DCLK1: variants seen among roughly 807,000 people sequenced by gnomAD.
The protein encoded by DCLK1 is doublecortin like kinase 1.
A neutral mutation model predicts 86.2 loss-of-function variants in DCLK1; 16 were observed. The observed-to-expected ratio is 0.19, with a 90% CI of 0.13 to 0.28. The LOEUF (loss-of-function observed/expected upper bound fraction) is 0.28. DCLK1 is among the 10% of genes least tolerant of loss of function. The pLI, the probability that DCLK1 is intolerant of heterozygous loss-of-function variation, is 1.00. For missense variants in DCLK1, 590 were observed against 940.2 expected, an observed-to-expected ratio of 0.63 and a Z score of 4.87; for synonymous variants, 369 against 370.5, an observed-to-expected ratio of 1.00 and a Z score of 0.05.
At chr13:35,854,656 C>A in intron 5 of DCLK1, 63 bp from the exon 6 acceptor site, 2 of 1,397,036 alleles carry the variant, frequency 1.4e-6, no homozygotes, top group South Asian at 1.4e-5. Context: ...CATGACAAAT[C>A]ATCTTCTGCA....
chr13:36,041,172 T>C (rs4941828), intron 3 of DCLK1, among the ~76,000 whole-genome samples: 125,096 of 152,066 alleles, frequency 0.82, 51,867 homozygotes, highest in African/African-American at 0.91. Context: ...ATATACGTAC[T>C]GAAAAATATT....
chr13:35,987,972 C>T (rs1880024365), intron 3 of DCLK1, among the ~76,000 whole-genome samples: 1 of 152,216 alleles, frequency 6.6e-6, no homozygotes, highest in Non-Finnish European at 1.5e-5. Context: ...TCCCCAGTCT[C>T]AGGCCAGCCT....
At chr13:36,058,383 G>A (rs1883413597) in intron 3 of DCLK1, among the ~76,000 whole-genome samples, 1 of 152,210 alleles carries the variant, frequency 6.6e-6, no homozygotes, top group African/African-American at 2.4e-5. Context: ...AGTAGGGAAT[G>A]AGAACCAGAT....
chr13:35,984,435 C>A (rs1030285478), intron 3 of DCLK1, among the ~76,000 whole-genome samples: 3 of 152,202 alleles, frequency 2.0e-5, no homozygotes, highest in Non-Finnish European at 4.4e-5. Flanking sequence ...AATGGCTTCA[C>A]ATGCCCAGAA....
At chr13:35,958,130 T>TACTGTAACCATCACCACCATCACC (rs1566620583) in intron 3 of DCLK1, among the ~76,000 whole-genome samples, 17 of 15,774 alleles carry the variant, frequency 1.1e-3, no homozygotes, top group Admixed American at 8.9e-3. Context: ...CCACTACCAC[T>TACTGTAACCATCACCACCATCACC]ACTATAACCA....
chr13:36,091,326 G>A (rs1305492083), intron 3 of DCLK1, among the ~76,000 whole-genome samples: 3 of 152,136 alleles, frequency 2.0e-5, no homozygotes, highest in Non-Finnish European at 4.4e-5. Context: ...CAACAAACCT[G>A]CACGTTCTGC....
At chr13:35,904,684 G>C (rs1270579256) in intron 4 of DCLK1, among the ~76,000 whole-genome samples, 1 of 152,188 alleles carries the variant, frequency 6.6e-6, no homozygotes, top group South Asian at 2.1e-4. Flanking sequence ...GTCCTTGGGA[G>C]AGCCAGAAAG....
intron 3 of DCLK1, among the ~76,000 whole-genome samples, chr13:36,020,814 CA>C (rs751042362): frequency 4.6e-4 from 70 of 152,080 alleles, no homozygotes; most frequent in Non-Finnish European, 9.1e-4. Context: ...AAACCCCAAA[CA>C]GAGAAAATCT....
At position 35,999,621 on chromosome 13, in the gene DCLK1, C is replaced by T. The variant is rs184355744; in HGVS notation, c.724-52164G>A. 2.6e-5 allele frequency among the ~76,000 whole-genome samples: 4 copies of T among 152,256 alleles called. No homozygotes were observed. In the East Asian group the frequency reaches 5.8e-4, roughly 22 times the overall value. ...GACAGACTCTTTCTCCTGAGGCCTC[C>T]GACTTCCATTCTTCCTAATTTTGTT... On this transcript the variant is annotated intron_variant, in intron 3 of 16. Coordinates refer to ENST00000360631, the MANE Select transcript of DCLK1 (RefSeq NM_001330071.2).
chr13:35,926,267 A>G (rs1420792601), intron 4 of DCLK1, among the ~76,000 whole-genome samples: 1 of 152,166 alleles, frequency 6.6e-6, no homozygotes, highest in Non-Finnish European at 1.5e-5. Flanking sequence ...CATGTTGGCC[A>G]GGCTGGTCTC....
chr13:36,045,547 G>A (rs907229058), intron 3 of DCLK1, among the ~76,000 whole-genome samples: 1 of 151,596 alleles, frequency 6.6e-6, no homozygotes, highest in East Asian at 1.9e-4. Context: ...TTGCATATTT[G>A]AGCTTTACAA....
intron 4 of DCLK1, among the ~76,000 whole-genome samples, chr13:35,895,218 A>G (rs986255564): frequency 9.2e-5 from 14 of 152,046 alleles, no homozygotes; most frequent in Non-Finnish European, 1.6e-4. Context: ...GGAGAGGCCA[A>G]AGTGCTGGGA....
chr13:36,028,783 G>A (rs1359525511), intron 3 of DCLK1, among the ~76,000 whole-genome samples: 1 of 152,200 alleles, frequency 6.6e-6, no homozygotes, highest in Non-Finnish European at 1.5e-5. Flanking sequence ...CAATGGAAGT[G>A]ACCTCTGGTT....
At chr13:36,081,484 G>T (rs952928822) in intron 3 of DCLK1, among the ~76,000 whole-genome samples, 1 of 152,284 alleles carries the variant, frequency 6.6e-6, no homozygotes, top group Middle Eastern at 3.4e-3. Context: ...CAAAAGAATA[G>T]AGGGCCAATT....
chr13:35,802,123 C>A (rs539460084), intron 15 of DCLK1, among the ~76,000 whole-genome samples: 2 of 152,116 alleles, frequency 1.3e-5, no homozygotes, highest in Non-Finnish European at 1.5e-5. Flanking sequence ...AGGGCTGGCA[C>A]ACAGTGTCTC....
At chr13:36,126,965 T>G (rs774344848) in intron 1 of DCLK1, among the ~76,000 whole-genome samples, 12 of 152,176 alleles carry the variant, frequency 7.9e-5, no homozygotes, top group Admixed American at 7.9e-4. Context: ...TTTCCCTGAC[T>G]CCAAAGCCCA....
chr13:35,821,248 G>T (rs1438635473), intron 11 of DCLK1, among the ~76,000 whole-genome samples: 4 of 152,170 alleles, frequency 2.6e-5, no homozygotes, highest in African/African-American at 7.2e-5. Flanking sequence ...CTGTAAAGAC[G>T]TTAGCACAGG....
At chr13:35,949,739 G>A (rs1469171012) in intron 3 of DCLK1, among the ~76,000 whole-genome samples, 2 of 151,532 alleles carry the variant, frequency 1.3e-5, no homozygotes, top group African/African-American at 4.9e-5. Context: ...CAGGTTGCTA[G>A]CCAATGCTCT....
rs1738026589 is a variant in DCLK1 at position 36,085,392 on chromosome 13, G to C, written c.723+26477C>G. ...CTAAATGTATATAATCCAAAGGTTG[G>C]GTTTTTTTAGAATTATGAAAAAAGC... On this transcript the variant is annotated intron_variant, in intron 3 of 16. Coordinates refer to ENST00000360631, the MANE Select transcript of DCLK1 (RefSeq NM_001330071.2). Among the ~76,000 whole-genome samples, 3 of 151,846 alleles carry C rather than the reference G, an allele frequency of 2.0e-5. 1 individual carries two copies. Among genetic ancestry groups the C allele is most frequent in the Non-Finnish European group, 4.4e-5 (3 of 67,984 alleles).
Sources: gnomAD v4.1 joint callset for allele counts (sites outside exome capture counted in the v4.1 genomes callset) on GRCh38, gnomAD v4.1.1 for gene constraint, MANE v1.5 for transcripts, NCBI Gene and HGNC (gene_info 2026-07-23, HGNC 2026-07-21) for gene names.